Variants in DNAH1 observed in about 807,000 individuals in gnomAD.
DNAH1 encodes the protein dynein axonemal heavy chain 1.
A neutral mutation model predicts 484.3 loss-of-function variants in DNAH1; 327 were observed. The ratio of observed to expected loss-of-function variants is 0.68; its 90% CI spans 0.62 to 0.74. DNAH1 has a LOEUF of 0.74. DNAH1 is among the 30% of genes least tolerant of loss of function. The probability of loss-of-function intolerance (pLI) is 0.00; values close to 1 mark genes in which losing one functional copy is unlikely to be tolerated. For synonymous variants in DNAH1, 2,192 were observed against 2,191.9 expected (o/e 1.00, Z 0.00); for missense variants, 5,052 against 5,546.8 (o/e 0.91, Z 2.83).
Position 52,362,882 on chromosome 3 carries a change from C to G in DNAH1, c.5095-113C>G, listed in dbSNP as rs143355832. The G allele has an allele frequency of 7.6e-6, 11 of 1,444,344 alleles. No individual in the cohort carries two copies. The highest frequency in any genetic ancestry group is 1.9e-4 in the Middle Eastern group (1 of 5,130). The allele number at this position is 1,444,344 out of a possible 1,614,324, so 89.5% of individuals were successfully genotyped here. A position where few individuals can be genotyped will look rare whatever the true frequency, so the allele number is the denominator to read the frequency against. ...AGGGGAGTGAAAGCCTCAGCTGTGGCAGGCTTGGTGCAGCAGGGAGTCCCA... is the reference window on the plus strand; with the variant it reads ...AGGGGAGTGAAAGCCTCAGCTGTGGGAGGCTTGGTGCAGCAGGGAGTCCCA... On this transcript the variant is annotated intron_variant, in intron 31 of 77. Transcript: ENST00000420323. The surrounding 1 kb of genome is among the most constrained non-coding windows in gnomAD (Gnocchi z 5.1).
chr3:52,375,000 G>T (rs1176381453), intron 44 of DNAH1: 9 of 569,856 alleles, frequency 1.6e-5, no homozygotes, highest in Admixed American at 3.4e-5. Context: ...CACTAACGTT[G>T]TATATGAAAA....
intron 28 of DNAH1, 89 bp downstream of exon 28, chr3:52,360,513 G>T: frequency 2.8e-6 from 3 of 1,083,068 alleles, no homozygotes; most frequent in Non-Finnish European, 4.1e-6. Flanking sequence ...GGCCACTCTG[G>T]GGTGATCTAG....
At position 52,344,788 on chromosome 3, in the gene DNAH1, A is replaced by G; in HGVS notation, c.1444+141A>G. The G allele has an allele frequency of 3.2e-6, 3 of 937,112 alleles. No individual in the cohort carries two copies. The South Asian group carries it at 5.1e-5, about 16-fold the overall frequency. The allele number at this position is 937,112 out of a possible 1,614,324, so 58.0% of individuals were successfully genotyped here. On this transcript the variant is annotated intron_variant, in intron 9 of 77. Coordinates refer to ENST00000420323, the MANE Select transcript of DNAH1 (RefSeq NM_015512.5). The stretch of plus-strand genomic sequence containing the variant: ...TCCCTGCACCTCCCCTGTCTCCAGC[A>G]CTTGTCCCACTTCTCCCTGCTGCCT...
chr3:52,386,728 G>T lies in DNAH1; in HGVS notation c.8878G>T (p.Gly2960Cys). The change falls in exon 56 of 78, where the codon GGC becomes TGC. Residue 2960 changes from glycine (G) to cysteine (C), a missense_variant. Around this residue, in one of 4 missense-constraint regions of DNAH1, gnomAD observed 2,929 missense variants for 3,409.4 expected, o/e 0.86. Coordinates refer to ENST00000420323, the MANE Select transcript of DNAH1 (RefSeq NM_015512.5). The stretch of plus-strand genomic sequence containing the variant: ...CATAGAAGCTGTGTGCATTATGAAA[G>T]GCATCAAGCCCAAGAAGGTGCCTGG... ...LVIEAVCIMK[G>C]IKPKKVPGEK... 6.3e-7 allele frequency: 1 copy of T among 1,591,246 alleles called. No individual in the cohort carries two copies. The highest frequency in any genetic ancestry group is 2.3e-5 in the East Asian group (1 of 43,778).
intron 14 of DNAH1, 55 bp downstream of exon 14, chr3:52,349,475 A>T (rs1702283202): frequency 1.3e-6 from 2 of 1,516,398 alleles, no homozygotes; most frequent in South Asian, 2.3e-5. Context: ...CCACAGCAGC[A>T]CACACGGACC....
intron 46 of DNAH1, among the ~76,000 whole-genome samples, chr3:52,378,179 G>T (rs1703684965): frequency 6.6e-6 from 1 of 152,006 alleles, no homozygotes; most frequent in East Asian, 1.9e-4. Context: ...AAGGTCGGGG[G>T]TGTGCTCCAA....
At chr3:52,365,110 C>CCA in intron 34 of DNAH1, 91 bp downstream of exon 34, 1 of 1,484,406 alleles carries the variant, frequency 6.7e-7, no homozygotes, top group South Asian at 1.3e-5. Context: ...CAGTCCAACC[C>CCA]CAGGGGCCCT....
chr3:52,391,082 C>T (rs765953497), intron 61 of DNAH1, 28 bp downstream of exon 61: 1 of 1,584,866 alleles, frequency 6.3e-7, no homozygotes, highest in Non-Finnish European at 8.6e-7. Context: ...GCACCACCAC[C>T]CCACCCCAGC....
rs1245831657 is a variant in DNAH1, at chr3:52,357,937, G to A, written c.4020G>A (p.Leu1340=). The A allele has an allele frequency of 2.5e-6, 4 of 1,613,132 alleles. No homozygotes were observed. In the African/African-American group the frequency reaches 5.3e-5, roughly 22 times the overall value. The change falls in exon 24 of 78, where the codon TTG becomes TTA. Residue 1340 remains leucine (L), a synonymous_variant. Transcript: ENST00000420323. ...FLSDDELLEI[L]SQTKDPTAVQ... ...CAGATGATGAACTACTAGAGATCTT[G>A]TCGCAGACAAAGGACCCCACGGCCG...
intron 1 of DNAH1, among the ~76,000 whole-genome samples, chr3:52,317,614 A>G (rs151197469): frequency 1.8e-3 from 277 of 152,300 alleles, no homozygotes; most frequent in Admixed American, 3.1e-3. Flanking sequence ...TGCTTACTCT[A>G]AAAGGGCACA....
Position 52,359,288 on chromosome 3 carries a change from AC to A in DNAH1, c.4311del (p.Ile1438SerfsTer55). On this transcript the variant is annotated frameshift_variant, in exon 26 of 78. Transcript: ENST00000420323. LOFTEE classifies it high-confidence loss of function. ...GGTTCTGAACTGGCCTGGCCAGGTG[AC>A]CATCGCTGGGTGCCAGACCTACTGG... ...QWVLNWPGQV[T>X]IAGCQTYWTM... is the part of the protein sequence containing the mutation. 1 of 1,568,760 alleles carries A rather than the reference AC, an allele frequency of 6.4e-7. No individual in the cohort carries two copies. The highest frequency in any genetic ancestry group is 1.2e-5 in the South Asian group (1 of 85,282).
At chr3:52,365,513 G>A (rs1703037314) in intron 34 of DNAH1, among the ~76,000 whole-genome samples, 1 of 152,156 alleles carries the variant, frequency 6.6e-6, no homozygotes, top group African/African-American at 2.4e-5. Flanking sequence ...TCACTGACTT[G>A]TTGCAAAGGC....
chr3:52,345,248 C>T (rs950637379), intron 9 of DNAH1, among the ~76,000 whole-genome samples: 4 of 152,208 alleles, frequency 2.6e-5, no homozygotes, highest in African/African-American at 9.7e-5. Flanking sequence ...TCATCTACTT[C>T]TCAGAGGAGC....
At chr3:52,327,850 C>T in intron 5 of DNAH1, 32 bp from the exon 6 acceptor site, 1 of 1,609,008 alleles carries the variant, frequency 6.2e-7, no homozygotes, top group Non-Finnish European at 8.5e-7. Flanking sequence ...AGAGGAGCTG[C>T]TTCTTCCCAA....
chr3:52,351,960 A>G lies in DNAH1; in HGVS notation c.2730-2A>G. The G allele has an allele frequency of 2.5e-6, 4 of 1,600,846 alleles. No homozygotes were observed. The highest frequency in any genetic ancestry group is 2.6e-6 in the Non-Finnish European group (3 of 1,174,038). On this transcript the variant is annotated splice_acceptor_variant, in intron 16 of 77. Coordinates refer to ENST00000420323, the MANE Select transcript of DNAH1 (RefSeq NM_015512.5). LOFTEE classifies it high-confidence loss of function. ...CCCAATCCCCACCCCCATCCCGGCC[A>G]GATGGATTGCCAGCAACTGGCCTTC...
chr3:52,374,962 C>A, intron 44 of DNAH1: 1 of 403,076 alleles, frequency 2.5e-6, no homozygotes, highest in Non-Finnish European at 4.1e-6. Flanking sequence ...ATGTCTTCAC[C>A]ATGGGGGCGG....
chr3:52,327,864 T>G lies in DNAH1; in HGVS notation c.739-18T>G. 6.2e-7 allele frequency: 1 copy of G among 1,611,760 alleles called. No homozygotes were observed. ...TAGAGGAGCTGCTTCTTCCCAATGT[T>G]GGCCTGCTTTCTTCCAGGTATTTGA... On this transcript the variant is annotated intron_variant, in intron 5 of 77. Transcript: ENST00000420323.
chr3:52,370,016 G>T lies in DNAH1; in HGVS notation c.6135G>T (p.Leu2045=). ...EHFKALFVSF[L]EESISFVRSS... ...TCAAGGCCCTCTTTGTCAGCTTCCT[G>T]GAGGTGAGTGAGGCCACGGGTATGT... is the stretch of plus-strand genomic sequence containing the variant. The change falls in exon 38 of 78, where the codon CTG becomes CTT. Residue 2045 remains leucine (L), a synonymous_variant. Transcript: ENST00000420323. The T allele has an allele frequency of 6.2e-7, 1 of 1,613,038 alleles. No individual in the cohort carries two copies. Among genetic ancestry groups the T allele is most frequent in the South Asian group, 1.1e-5 (1 of 91,080 alleles).
In DNAH1 at chr3:52,381,577, G is replaced by C. The variant is rs1440184655; in HGVS notation, c.7609-63G>C. On this transcript the variant is annotated intron_variant, in intron 48 of 77. Coordinates refer to ENST00000420323, the MANE Select transcript of DNAH1 (RefSeq NM_015512.5). This position sits in a 1 kb window ranked among gnomAD's most constrained non-coding sequence, Gnocchi z 4.1. ...CAGAGAAGAAAGCGGGTGGGTGGGG[G>C]GAATCGGGGAGACCCTACAGTAAGA... 6.9e-7 allele frequency: 1 copy of C among 1,456,080 alleles called. No individual in the cohort carries two copies. Among genetic ancestry groups the C allele is most frequent in the Non-Finnish European group, 9.3e-7 (1 of 1,077,242 alleles). 90.2% of individuals were successfully genotyped at this position (1,456,080 alleles called of 1,614,324 possible). A position where few individuals can be genotyped will look rare whatever the true frequency, so the allele number is the denominator to read the frequency against.
Sources: allele counts gnomAD v4.1 joint callset (sites outside exome capture counted in the v4.1 genomes callset), GRCh38; gene constraint gnomAD v4.1.1; regional missense constraint gnomAD v4.1.1; non-coding constraint Gnocchi (gnomAD v3.1); transcripts MANE v1.5; gene names NCBI Gene and HGNC (gene_info 2026-07-23, HGNC 2026-07-21).